Variants in ZNF669 observed in about 807,000 individuals in gnomAD.
The protein encoded by ZNF669 is zinc finger protein 669.
ZNF669 carries 7 observed loss-of-function variants against 11.4 expected under a neutral mutation model. That is an observed-to-expected ratio of 0.62 (90% CI 0.35 to 1.16). The LOEUF (loss-of-function observed/expected upper bound fraction) is 1.16. ZNF669 is among the 50% of genes most tolerant of loss of function. The probability of loss-of-function intolerance (pLI) is 0.02; values close to 1 mark genes in which losing one functional copy is unlikely to be tolerated. For missense variants in ZNF669, 492 were observed against 463.6 expected (o/e 1.06, Z -0.56); for synonymous variants, 153 against 155.8 (o/e 0.98, Z 0.13).
Position 247,100,401 on chromosome 1 carries a change from C to G in ZNF669, c.1110G>C (p.Leu370Phe). Residue 370 changes from leucine (L) to phenylalanine (F), a missense_variant, in exon 4 of 4, where the codon TTG becomes TTC. By Grantham distance (22) the Leu-to-Phe change is conservative. Transcript: ENST00000448299. ...AAGCAATCCACACGCCTTGGCCTCC[C>G]AAAGTGCTGGGATTATAGGCTGAGT... ...CSDSAYNPST[L>F]GGQGVWIA is the part of the protein sequence containing the mutation. The G allele has an allele frequency of 6.2e-7, 1 of 1,611,354 alleles. No homozygotes were observed. Among genetic ancestry groups the G allele is most frequent in the Non-Finnish European group, 8.5e-7 (1 of 1,178,576 alleles).
chr1:247,100,166 AGTAGAGACGGG>A lies in ZNF669; in HGVS notation c.*197_*207del. On this transcript the variant is annotated 3_prime_UTR_variant, in exon 4 of 4. Transcript: ENST00000448299. ...CGCCCAGCTAATTTTTTGTATTTTT[AGTAGAGACGGG>A]GTTTCACCGTGTTGGCCAGGATGGT... The A allele has an allele frequency of 2.2e-6, 1 of 454,570 alleles. No homozygotes were observed. The highest frequency in any genetic ancestry group is 3.9e-6 in the Non-Finnish European group (1 of 257,556). The allele number at this position is 454,570 out of a possible 1,614,324, so 28.2% of individuals were successfully genotyped here.
Position 247,104,349 on chromosome 1 carries a change from G to A in ZNF669, c.-150C>T, listed in dbSNP as rs890582620. 9 of 1,177,494 alleles carry A rather than the reference G, an allele frequency of 7.6e-6. No homozygotes were observed. The highest frequency in any genetic ancestry group is 3.6e-5 in the Admixed American group (1 of 27,516). The allele number at this position is 1,177,494 out of a possible 1,614,324, so 72.9% of individuals were successfully genotyped here. A position where few individuals can be genotyped will look rare whatever the true frequency, so the allele number is the denominator to read the frequency against. Reference sequence around the variant, plus strand: ...AACAGGAAGAGCCGGCTCCGGCGAAGGAGAGACAAAGCAACCGCCAGGCAG... The same window carrying A: ...AACAGGAAGAGCCGGCTCCGGCGAAAGAGAGACAAAGCAACCGCCAGGCAG... On this transcript the variant is annotated 5_prime_UTR_variant, in exon 1 of 4. Transcript: ENST00000448299.
Position 247,100,740 on chromosome 1 carries a change from G to A in ZNF669, c.771C>T (p.Phe257=), listed in dbSNP as rs112189171. 9.9e-6 allele frequency: 16 copies of A among 1,614,206 alleles called. No individual in the cohort carries two copies. The highest frequency in any genetic ancestry group is 8.0e-5 in the African/African-American group (6 of 75,054). The stretch of plus-strand genomic sequence containing the variant: ...GGTAACGAAGGGAAGTGGAACAGCT[G>A]AAGGCTTTATCACATTTGGTACATT... ...PYKCTKCDKA[F]SCSTSLRYHG... is the part of the protein sequence containing the mutation. Residue 257 remains phenylalanine (F), a synonymous_variant, in exon 4 of 4, where the codon TTC becomes TTT. Coordinates refer to ENST00000448299, the MANE Select transcript of ZNF669 (RefSeq NM_001142572.2).
Position 247,101,229 on chromosome 1 carries a change from C to G in ZNF669, c.282G>C (p.Glu94Asp). 1 of 1,613,846 alleles carries G rather than the reference C, an allele frequency of 6.2e-7. No individual in the cohort carries two copies. The highest frequency in any genetic ancestry group is 1.1e-5 in the South Asian group (1 of 91,040). ...ATGGTTTTAATCCAGTAGAAATGTT[C>G]TCGTTCAGATCAAGATTTGGAATTT... ...VSQIPNLDLN[E>D]NISTGLKPCE... The change falls in exon 4 of 4, where the codon GAG becomes GAC. Residue 94 changes from glutamate to aspartate, a missense_variant. Glu to Asp is a conservative substitution (Grantham distance 45). Transcript: ENST00000448299.
intron 1 of ZNF669, among the ~76,000 whole-genome samples, chr1:247,103,632 C>CA (rs58671011): frequency 0.015 from 753 of 50,028 alleles, 43 homozygotes; most frequent in Non-Finnish European, 0.025. Flanking sequence ...ATTCCGTCTC[C>CA]AAAAAAAAAA....
At chr1:247,104,143 A>G in intron 1 of ZNF669, 54 bp downstream of exon 1, 2 of 1,578,054 alleles carry the variant, frequency 1.3e-6, no homozygotes, top group Non-Finnish European at 1.7e-6. Context: ...GCGCCACAGC[A>G]GGTTTCAACC....
At position 247,101,868 on chromosome 1, in the gene ZNF669, C is replaced by T. The variant is rs115846326; in HGVS notation, c.131-77G>A. 8.7e-3 allele frequency: 13,853 copies of T among 1,589,072 alleles called. 83 individuals carry two copies. The highest frequency in any genetic ancestry group is 0.012 in the Middle Eastern group (72 of 6,006). ...ATTACTAGATTTAATGTTCACTGTACACAGTGCCCATGCCTGATTTATTCA... is the reference window on the plus strand; with the variant it reads ...ATTACTAGATTTAATGTTCACTGTATACAGTGCCCATGCCTGATTTATTCA... On this transcript the variant is annotated intron_variant, in intron 2 of 3. Coordinates refer to ENST00000448299, the MANE Select transcript of ZNF669 (RefSeq NM_001142572.2).
chr1:247,101,964 C>T (rs370050132), intron 2 of ZNF669, 23 bp downstream of exon 2: 1 of 1,613,868 alleles, frequency 6.2e-7, no homozygotes, highest in African/African-American at 1.3e-5. Flanking sequence ...CTGTAATTAA[C>T]TGAAATGTGT....
chr1:247,102,231 C>A, intron 1 of ZNF669, 118 bp from the exon 2 acceptor site: 2 of 1,251,458 alleles, frequency 1.6e-6, no homozygotes, highest in South Asian at 3.1e-5. Flanking sequence ...TATTCTATGA[C>A]TTGATTGTCA....
chr1:247,103,632 C>CAAAAA (rs58671011), intron 1 of ZNF669, among the ~76,000 whole-genome samples: 3 of 49,980 alleles, frequency 6.0e-5, no homozygotes, highest in Non-Finnish European at 1.3e-4. Flanking sequence ...ATTCCGTCTC[C>CAAAAA]AAAAAAAAAA....
At position 247,104,105 on chromosome 1, in the gene ZNF669, C is replaced by T. The variant is rs533875195; in HGVS notation, c.3+92G>A. ...CCACGGCGACTCGGTCCGCAGGTTCCGGAGCCGATGGCGTGGAGGCCCGAG... is the reference window on the plus strand; with the variant it reads ...CCACGGCGACTCGGTCCGCAGGTTCTGGAGCCGATGGCGTGGAGGCCCGAG... On this transcript the variant is annotated intron_variant, in intron 1 of 3. Transcript: ENST00000448299. 37 of 1,596,560 alleles carry T rather than the reference C, an allele frequency of 2.3e-5. 1 individual carries two copies. Among genetic ancestry groups the T allele is most frequent in the East Asian group, 1.8e-4 (8 of 43,746 alleles).
At chr1:247,101,586 G>C in intron 3 of ZNF669, 145 bp downstream of exon 3, 1 of 812,578 alleles carries the variant, frequency 1.2e-6, no homozygotes, top group Non-Finnish European at 1.9e-6. Flanking sequence ...CTGCTACATT[G>C]AAGTACGTTA....
intron 1 of ZNF669, among the ~76,000 whole-genome samples, chr1:247,103,683 A>T (rs1671776933): frequency 6.7e-6 from 1 of 150,118 alleles, no homozygotes; most frequent in Non-Finnish European, 1.5e-5. Context: ...TTCCTCATTA[A>T]CCTTATCAAA....
intron 1 of ZNF669, among the ~76,000 whole-genome samples, chr1:247,103,555 A>AC (rs1232146176): frequency 7.0e-6 from 1 of 143,738 alleles, no homozygotes; most frequent in Non-Finnish European, 1.5e-5. Flanking sequence ...AATCGCTTGA[A>AC]CCCGGGAGTC....
rs760212710 is a variant in ZNF669 at position 247,100,454 on chromosome 1, T to A, written c.1057A>T (p.Ser353Cys). ...RSSHLTRHER[S>C]HDIEAGCSDS... ...CTACACCCAGCCTCTATATCATGACTTCTTTCATGGCGAGTAAGGTGACTG... is the reference window on the plus strand; with the variant it reads ...CTACACCCAGCCTCTATATCATGACATCTTTCATGGCGAGTAAGGTGACTG... Residue 353 changes from serine to cysteine, a missense_variant, in exon 4 of 4, where the codon AGT becomes TGT. Coordinates refer to ENST00000448299, the MANE Select transcript of ZNF669 (RefSeq NM_001142572.2). 8 of 1,614,136 alleles carry A rather than the reference T, an allele frequency of 5.0e-6. No homozygotes were observed. The highest frequency in any genetic ancestry group is 5.9e-6 in the Non-Finnish European group (7 of 1,180,054).
At chr1:247,101,662 T>C in intron 3 of ZNF669, 69 bp downstream of exon 3, 2 of 1,414,616 alleles carry the variant, frequency 1.4e-6, no homozygotes, top group Non-Finnish European at 1.9e-6. Context: ...TTTGATTGCT[T>C]GTTTTTAAGT....
intron 1 of ZNF669, among the ~76,000 whole-genome samples, chr1:247,103,063 A>G (rs1273201135): frequency 6.6e-6 from 1 of 152,182 alleles, no homozygotes; most frequent in African/African-American, 2.4e-5. Context: ...AATGATTTTC[A>G]GTCATCTAAA....
In ZNF669 at chr1:247,101,203, C is replaced by T. The variant is rs1323254594; in HGVS notation, c.308G>A (p.Cys103Tyr). 4 of 1,614,064 alleles carry T rather than the reference C, an allele frequency of 2.5e-6. No homozygotes were observed. In the South Asian group the frequency reaches 4.4e-5, roughly 18 times the overall value. ...GACTTTTCCACAAATACTGCATTCA[C>T]ATGGTTTTAATCCAGTAGAAATGTT... is the stretch of plus-strand genomic sequence containing the variant. ...NENISTGLKP[C>Y]ECSICGKVFV... is the part of the protein sequence containing the mutation. The change falls in exon 4 of 4, where the codon TGT becomes TAT. Residue 103 changes from cysteine (C) to tyrosine (Y), a missense_variant. Transcript: ENST00000448299.
At chr1:247,103,898 C>G (rs1337751857) in intron 1 of ZNF669, 13 of 1,544,050 alleles carry the variant, frequency 8.4e-6, no homozygotes, top group Non-Finnish European at 1.1e-5. Flanking sequence ...GACACCGAGT[C>G]GGGGCTCTCC....
Sources: gnomAD v4.1 joint callset for allele counts (sites outside exome capture counted in the v4.1 genomes callset) on GRCh38, gnomAD v4.1.1 for gene constraint, MANE v1.5 for transcripts, NCBI Gene and HGNC (gene_info 2026-07-23, HGNC 2026-07-21) for gene names.